Variants in SVEP1 observed in about 807,000 individuals in gnomAD.
SVEP1 encodes the protein sushi, von Willebrand factor type A, EGF and pentraxin domain-containing protein 1.
A neutral mutation model predicts 367.3 loss-of-function variants in SVEP1; 164 were observed. That is an observed-to-expected ratio of 0.45 (90% confidence interval 0.39 to 0.51). SVEP1 has a LOEUF of 0.51. Among genes scored for constraint, SVEP1 ranks in the 20% least tolerant of loss-of-function variants. SVEP1 has a pLI of 0.00. For synonymous variants in SVEP1, 1,666 were observed against 1,611.6 expected, an observed-to-expected ratio of 1.03 and a Z score of -0.81; for missense variants, 4,117 against 4,425.3, an observed-to-expected ratio of 0.93 and a Z score of 1.98.
intron 5 of SVEP1, among the ~76,000 whole-genome samples, chr9:110,510,756 A>G (rs542474948): frequency 7.2e-5 from 11 of 152,162 alleles, no homozygotes; most frequent in Non-Finnish European, 1.6e-4. Context: ...AAAATGTAAT[A>G]TTTCCCATCC....
intron 46 of SVEP1, among the ~76,000 whole-genome samples, chr9:110,372,153 A>T (rs1180814943): frequency 6.6e-6 from 1 of 152,186 alleles, no homozygotes; most frequent in East Asian, 1.9e-4. Context: ...TTTAGCTGCA[A>T]TGATTTTCTT....
chr9:110,411,454 G>A lies in SVEP1; in HGVS notation c.6257C>T (p.Pro2086Leu). ...PRCIAHFCEK[P>L]PSVSYSILES... ...CAAGATGCTATAGGAAACCGATGGA[G>A]GTTTTTCACAGAAATGAGCTATACA... is the stretch of plus-strand genomic sequence containing the variant. The change falls in exon 37 of 48, where the codon CCT becomes CTT. Residue 2086 changes from proline to leucine, a missense_variant. Physicochemically the swap from Pro to Leu is moderately conservative, Grantham distance 98. Transcript: ENST00000374469. 1 of 1,614,038 alleles carries A rather than the reference G, an allele frequency of 6.2e-7. No homozygotes were observed. The highest frequency in any genetic ancestry group is 8.5e-7 in the Non-Finnish European group (1 of 1,179,910).
chr9:110,515,258 A>G (rs932945522), intron 3 of SVEP1, among the ~76,000 whole-genome samples: 18 of 152,160 alleles, frequency 1.2e-4, no homozygotes, highest in African/African-American at 3.9e-4. Flanking sequence ...TCATTATTAA[A>G]TAACAGTTGC....
At chr9:110,425,907 T>C (rs1223584017) in intron 36 of SVEP1, among the ~76,000 whole-genome samples, 2 of 152,228 alleles carry the variant, frequency 1.3e-5, no homozygotes, top group Non-Finnish European at 2.9e-5. Context: ...CTTTTAAATA[T>C]AGATTTTGTG....
At chr9:110,410,786 T>TGTAA (rs1237493142) in intron 37 of SVEP1, among the ~76,000 whole-genome samples, 2 of 152,332 alleles carry the variant, frequency 1.3e-5, no homozygotes, top group Middle Eastern at 3.4e-3. Context: ...GGGCTGGCCC[T>TGTAA]GTAAGTGATG....
intron 9 of SVEP1, among the ~76,000 whole-genome samples, chr9:110,485,272 A>G (rs1829258807): frequency 6.6e-6 from 1 of 152,256 alleles, no homozygotes; most frequent in African/African-American, 2.4e-5. Flanking sequence ...GAACAAGATC[A>G]GATCCTTTGC....
intron 36 of SVEP1, among the ~76,000 whole-genome samples, chr9:110,415,480 T>A (rs1828106078): frequency 6.6e-6 from 1 of 151,886 alleles, no homozygotes; most frequent in Non-Finnish European, 1.5e-5. Flanking sequence ...TAAACTTTAA[T>A]ACACTAATAA....
In SVEP1 at chr9:110,427,708, C is replaced by T. The variant is rs17204832; in HGVS notation, c.5858G>A (p.Arg1953Lys). The T allele has an allele frequency of 9.4e-4, 1,515 of 1,613,906 alleles. 28 individuals carry two copies. In the East Asian group the frequency reaches 0.026, roughly 27 times the overall value. The change falls in exon 36 of 48, where the codon AGA becomes AAA. Residue 1953 changes from arginine to lysine, a missense_variant. This residue lies in a region of SVEP1 where 2,174 missense variants were observed against 2,494.3 expected (regional missense o/e 0.87). Coordinates refer to ENST00000374469, the MANE Select transcript of SVEP1 (RefSeq NM_153366.4). ...IECTASGIWDRAPPACHLVFC... is the reference protein window; with the variant it reads ...IECTASGIWDKAPPACHLVFC... The stretch of plus-strand genomic sequence containing the variant: ...GACGAGGTGACAGGCAGGTGGCGCT[C>T]TGTCCCAGATGCCAGAAGCCGTGCA...
chr9:110,413,522 C>T (rs1410611580), intron 36 of SVEP1, among the ~76,000 whole-genome samples: 1 of 151,308 alleles, frequency 6.6e-6, no homozygotes, highest in Non-Finnish European at 1.5e-5. Flanking sequence ...GCACATGTAC[C>T]CTAAAACTTA....
chr9:110,515,040 G>A (rs1331265431), intron 3 of SVEP1, among the ~76,000 whole-genome samples: 1 of 152,150 alleles, frequency 6.6e-6, no homozygotes, highest in Non-Finnish European at 1.5e-5. Flanking sequence ...GGAAAAAAAA[G>A]ATTAAAAGCA....
intron 7 of SVEP1, 40 bp from the exon 8 acceptor site, chr9:110,496,973 AT>A (rs1829459692): frequency 7.7e-7 from 1 of 1,302,222 alleles, no homozygotes. Context: ...ATACACTGAT[AT>A]GTGGTCCTAG....
chr9:110,406,630 G>C lies in SVEP1; in HGVS notation c.8970C>G (p.Leu2990=). ...KLHGNSSRRC[L]SNGSWSGSSP... is the part of the protein sequence containing the mutation. ...AGCTGCCACTCCAGGAGCCATTGGA[G>C]AGGCACCTTCTTGATGAATTTCCAT... Residue 2990 remains leucine, a synonymous_variant, in exon 38 of 48, where the codon CTC becomes CTG. Coordinates refer to ENST00000374469, the MANE Select transcript of SVEP1 (RefSeq NM_153366.4). 6.2e-7 allele frequency: 1 copy of C among 1,613,978 alleles called. No individual in the cohort carries two copies. Among genetic ancestry groups the C allele is most frequent in the Non-Finnish European group, 8.5e-7 (1 of 1,179,904 alleles).
intron 40 of SVEP1, among the ~76,000 whole-genome samples, chr9:110,391,142 A>G (rs1387857339): frequency 6.6e-6 from 1 of 152,188 alleles, no homozygotes; most frequent in Non-Finnish European, 1.5e-5. Flanking sequence ...AAATTTCATA[A>G]TTTATTCTTT....
intron 42 of SVEP1, among the ~76,000 whole-genome samples, chr9:110,386,781 TTAC>T (rs1827530479): frequency 1.3e-5 from 2 of 152,268 alleles, no homozygotes; most frequent in African/African-American, 2.4e-5. Context: ...ACTTCCGCTG[TTAC>T]TACATTATGA....
chr9:110,534,526 CGTTGG>C (rs1830057459), intron 3 of SVEP1, among the ~76,000 whole-genome samples: 2 of 152,072 alleles, frequency 1.3e-5, no homozygotes, highest in Non-Finnish European at 2.9e-5. Flanking sequence ...ATTTATATTC[CGTTGG>C]GTATGTGCCC....
chr9:110,500,152 T>G (rs547335721), intron 6 of SVEP1, among the ~76,000 whole-genome samples: 1 of 151,306 alleles, frequency 6.6e-6, no homozygotes, highest in East Asian at 1.9e-4. Flanking sequence ...TGAAATAATT[T>G]CTTTCCAAAC....
At chr9:110,445,187 G>A (rs1588056541) in intron 26 of SVEP1, among the ~76,000 whole-genome samples, 1 of 152,214 alleles carries the variant, frequency 6.6e-6, no homozygotes, top group Admixed American at 6.5e-5. Flanking sequence ...TCAGTGGACA[G>A]CTCAGTGATA....
At chr9:110,497,200 C>T (rs1228420093) in intron 7 of SVEP1, among the ~76,000 whole-genome samples, 1 of 152,216 alleles carries the variant, frequency 6.6e-6, no homozygotes, top group Admixed American at 6.5e-5. Context: ...CATTGAGTTA[C>T]TGTCAGGCCA....
At chr9:110,514,764 T>TA (rs751162481) in intron 3 of SVEP1, among the ~76,000 whole-genome samples, 34 of 151,890 alleles carry the variant, frequency 2.2e-4, no homozygotes, top group Non-Finnish European at 4.3e-4. Context: ...CCTCAATAGA[T>TA]AAAAAAAACT....
Sources: allele counts gnomAD v4.1 joint callset (sites outside exome capture counted in the v4.1 genomes callset), GRCh38; gene constraint gnomAD v4.1.1; regional missense constraint gnomAD v4.1.1; transcripts MANE v1.5; gene names NCBI Gene and HGNC (gene_info 2026-07-23, HGNC 2026-07-21).